Variants in MYT1L observed in about 807,000 individuals in gnomAD.
The protein encoded by MYT1L is myelin transcription factor 1 like.
A neutral mutation model predicts 126.7 loss-of-function variants in MYT1L; 12 were observed. The observed-to-expected ratio is 0.09, with a 90% confidence interval of 0.06 to 0.15. The LOEUF (loss-of-function observed/expected upper bound fraction) is 0.15, where lower values mean the gene tolerates loss of function less well. MYT1L is among the 10% of genes least tolerant of loss of function. MYT1L has a pLI of 1.00. For missense variants in MYT1L, 979 were observed against 1,585.2 expected, an observed-to-expected ratio of 0.62 and a Z score of 6.49; for synonymous variants, 541 against 604.2, an observed-to-expected ratio of 0.90 and a Z score of 1.53.
At chr2:2,295,609 C>G (rs201342427) in intron 1 of MYT1L, among the ~76,000 whole-genome samples, 50 of 7,956 alleles carry the variant, frequency 6.3e-3, no homozygotes, top group Middle Eastern at 0.083. Flanking sequence ...GAGAGACAGA[C>G]AGAGAGAGAG....
At chr2:2,074,255 T>C (rs1207245841) in intron 3 of MYT1L, among the ~76,000 whole-genome samples, 1 of 152,236 alleles carries the variant, frequency 6.6e-6, no homozygotes, top group African/African-American at 2.4e-5. Flanking sequence ...GCCACTTTTA[T>C]TTCTGGTTTC....
chr2:2,255,271 C>G (rs984010892), intron 2 of MYT1L, among the ~76,000 whole-genome samples: 49 of 152,170 alleles, frequency 3.2e-4, no homozygotes, highest in African/African-American at 1.2e-3. Context: ...TTTCTTACCC[C>G]CCTAAATTTC....
chr2:1,952,639 C>T (rs940506487), intron 8 of MYT1L, among the ~76,000 whole-genome samples: 2 of 151,176 alleles, frequency 1.3e-5, no homozygotes, highest in Non-Finnish European at 2.9e-5. Flanking sequence ...CCCTTGTGTG[C>T]CACGGCACAC....
intron 2 of MYT1L, among the ~76,000 whole-genome samples, chr2:2,190,575 A>AAG (rs1553546099): frequency 7.1e-6 from 1 of 141,230 alleles, no homozygotes; most frequent in African/African-American, 3.2e-5. Flanking sequence ...AAAAAAAAAA[A>AAG]AAGAAGAAGA....
chr2:2,180,732 G>A (rs763721407), intron 2 of MYT1L, among the ~76,000 whole-genome samples: 1 of 151,346 alleles, frequency 6.6e-6, no homozygotes, highest in African/African-American at 2.4e-5. Flanking sequence ...GTGCCTGCAT[G>A]TGTGCCTGTG....
At chr2:2,286,674 A>G (rs999290656) in intron 1 of MYT1L, among the ~76,000 whole-genome samples, 2 of 152,184 alleles carry the variant, frequency 1.3e-5, no homozygotes, top group Non-Finnish European at 2.9e-5. Flanking sequence ...AAGTGGCCTC[A>G]CATGGTTTGC....
intron 21 of MYT1L, among the ~76,000 whole-genome samples, chr2:1,815,970 C>T (rs892865786): frequency 6.6e-6 from 1 of 152,176 alleles, no homozygotes; most frequent in African/African-American, 2.4e-5. Flanking sequence ...TGGAACGCCC[C>T]ATGGCACAGT....
chr2:1,931,901 C>A (rs977781560), intron 9 of MYT1L, among the ~76,000 whole-genome samples: 1 of 152,200 alleles, frequency 6.6e-6, no homozygotes, highest in African/African-American at 2.4e-5. Flanking sequence ...CTCCTGTCCA[C>A]GCCCTCAGTG....
chr2:2,157,858 C>G (rs2148386313), intron 3 of MYT1L, among the ~76,000 whole-genome samples: 1 of 152,262 alleles, frequency 6.6e-6, no homozygotes, highest in South Asian at 2.1e-4. Context: ...CAGCATCTCT[C>G]AAAGGGTAGA....
chr2:1,935,450 T>C (rs2055748683), intron 9 of MYT1L, among the ~76,000 whole-genome samples: 1 of 152,168 alleles, frequency 6.6e-6, no homozygotes, highest in Non-Finnish European at 1.5e-5. Flanking sequence ...AGGTTCAGGG[T>C]TACAGAAGAG....
At position 1,922,844 on chromosome 2, in the gene MYT1L, C is replaced by T. The variant is rs781602277; in HGVS notation, c.925G>A (p.Gly309Arg). The change falls in exon 10 of 25, where the codon GGA becomes AGA. Residue 309 changes from glycine (G) to arginine (R), a missense_variant. Around this residue, in one of 12 missense-constraint regions of MYT1L, gnomAD observed 243 missense variants for 363.9 expected, o/e 0.67. Transcript: ENST00000647738. The surrounding 1 kb of genome is among the most constrained non-coding windows in gnomAD (Gnocchi z 7.4). ...TCCTCCACCATCTTTTCCATGAGTC[C>T]GTTGTTCATGGGCTTCCCCAACATG... Reference protein sequence around the residue: ...YVMLGKPMNNGLMEKMVEESD... With the variant: ...YVMLGKPMNNRLMEKMVEESD... 3.7e-6 allele frequency: 6 copies of T among 1,613,854 alleles called. No homozygotes were observed. The highest frequency in any genetic ancestry group is 2.2e-5 in the East Asian group (1 of 44,894).
chr2:2,163,128 C>T (rs747013507), intron 3 of MYT1L, among the ~76,000 whole-genome samples: 22 of 152,206 alleles, frequency 1.4e-4, no homozygotes, highest in Non-Finnish European at 1.9e-4. Context: ...CTGAAACTAC[C>T]AGCAGGACCA....
intron 8 of MYT1L, among the ~76,000 whole-genome samples, chr2:1,959,729 G>A (rs964699374): frequency 3.3e-5 from 5 of 152,134 alleles, no homozygotes; most frequent in Non-Finnish European, 5.9e-5. Flanking sequence ...TGACACATTT[G>A]TGCTCAGATA....
rs966371662 is a variant in MYT1L, at chr2:1,839,064, G to A, written c.3080+85C>T. 9.2e-6 allele frequency: 11 copies of A among 1,190,850 alleles called. No individual in the cohort carries two copies. The African/African-American group carries it at 1.7e-4, about 18-fold the overall frequency. The allele number at this position is 1,190,850 out of a possible 1,614,324, so 73.8% of individuals were successfully genotyped here. On this transcript the variant is annotated intron_variant, in intron 21 of 24. Coordinates refer to ENST00000647738, the MANE Select transcript of MYT1L (RefSeq NM_001303052.2). ...TAAACACAGGTGACGGGAGAAGCTG[G>A]CACCTGCTGCCGTCATAACCAGCCG...
intron 2 of MYT1L, among the ~76,000 whole-genome samples, chr2:2,248,681 A>T (rs2094579487): frequency 6.6e-6 from 1 of 152,170 alleles, no homozygotes; most frequent in Non-Finnish European, 1.5e-5. Flanking sequence ...ATTATGACCC[A>T]GCGAAATTTA....
chr2:2,064,247 T>C (rs951834887), intron 3 of MYT1L, among the ~76,000 whole-genome samples: 9 of 152,190 alleles, frequency 5.9e-5, no homozygotes, highest in African/African-American at 2.2e-4. Context: ...GGTCAGTGCC[T>C]AGACCTGGTT....
intron 9 of MYT1L, among the ~76,000 whole-genome samples, chr2:1,930,173 A>G (rs1248419973): frequency 6.6e-6 from 1 of 152,178 alleles, no homozygotes; most frequent in Non-Finnish European, 1.5e-5. Flanking sequence ...GATGGAACGG[A>G]GGGACTGAGT....
chr2:2,033,612 TA>T lies in MYT1L; in HGVS notation c.-158+20365del, dbSNP rs113249829. Among the ~76,000 whole-genome samples, 1,083 of 146,838 alleles carry T rather than the reference TA, an allele frequency of 7.4e-3. 11 individuals carry two copies. The highest frequency in any genetic ancestry group is 0.024 in the African/African-American group (984 of 40,282). ...TGAAGGTGAAATCAGGAACAAACAT[TA>T]AAAAAAAAAAATCTGGGTTTCACCT... On this transcript the variant is annotated intron_variant, in intron 4 of 24. Coordinates refer to ENST00000647738, the MANE Select transcript of MYT1L (RefSeq NM_001303052.2).
chr2:2,202,189 C>A (rs1267808742), intron 2 of MYT1L, among the ~76,000 whole-genome samples: 2 of 151,888 alleles, frequency 1.3e-5, no homozygotes, highest in Admixed American at 6.6e-5. Context: ...AAAATTGACA[C>A]CCTAACATCA....
Sources: allele counts gnomAD v4.1 joint callset (sites outside exome capture counted in the v4.1 genomes callset), GRCh38; gene constraint gnomAD v4.1.1; regional missense constraint gnomAD v4.1.1; non-coding constraint Gnocchi (gnomAD v3.1); transcripts MANE v1.5; gene names NCBI Gene and HGNC (gene_info 2026-07-23, HGNC 2026-07-21).